The following OR1L8 variants were observed in gnomAD, a reference collection of about 807,000 sequenced individuals.
OR1L8 encodes olfactory receptor family 1 subfamily L member 8, also known as olfactory receptor 1L8.
For missense variants in OR1L8, 330 were observed against 377.4 expected (o/e 0.87, Z 1.04); for synonymous variants, 148 against 147.0 (o/e 1.01, Z -0.05).
intron 3 of OR1L8, among the ~76,000 whole-genome samples, chr9:122,574,740 T>C (rs998039998): frequency 3.9e-5 from 6 of 152,114 alleles, no homozygotes; most frequent in South Asian, 2.1e-4. Flanking sequence ...AAAGCCATGG[T>C]GAGAGGGAGC....
At chr9:122,579,881 A>T (rs1829716580) in intron 1 of OR1L8, among the ~76,000 whole-genome samples, 1 of 152,202 alleles carries the variant, frequency 6.6e-6, no homozygotes, top group Non-Finnish European at 1.5e-5. Flanking sequence ...AGGCTCTAGG[A>T]TGAGTCTCTA....
intron 1 of OR1L8, among the ~76,000 whole-genome samples, chr9:122,579,982 A>G (rs1435840834): frequency 6.6e-6 from 1 of 152,150 alleles, no homozygotes; most frequent in African/African-American, 2.4e-5. Flanking sequence ...GTCGCCATTG[A>G]AACTATTGAA....
the OR1L8 span, among the ~76,000 whole-genome samples, chr9:122,555,165 A>T: frequency 6.6e-6 from 1 of 152,238 alleles, no homozygotes; most frequent in Non-Finnish European, 1.5e-5. Flanking sequence ...CTCACAGAGA[A>T]AAAGAAGCAC....
chr9:122,574,964 TTTTC>T (rs1302364669), intron 3 of OR1L8, among the ~76,000 whole-genome samples: 4 of 152,152 alleles, frequency 2.6e-5, no homozygotes, highest in East Asian at 1.9e-4. Context: ...TTCATGTGGC[TTTTC>T]TTTATTAGTT....
At chr9:122,557,439 G>A in the OR1L8 span, among the ~76,000 whole-genome samples, 93 of 152,086 alleles carry the variant, frequency 6.1e-4, no homozygotes, top group Middle Eastern at 3.4e-3. Flanking sequence ...TTTTTGTGAA[G>A]TGCTTTTTCT....
At chr9:122,558,749 T>G in the OR1L8 span, among the ~76,000 whole-genome samples, 1 of 151,954 alleles carries the variant, frequency 6.6e-6, no homozygotes. Context: ...TTAAGATTCA[T>G]GTAATTATTA....
At chr9:122,575,576 G>A (rs973522246) in intron 3 of OR1L8, among the ~76,000 whole-genome samples, 1 of 151,974 alleles carries the variant, frequency 6.6e-6, no homozygotes, top group Non-Finnish European at 1.5e-5. Context: ...AATAATTTGT[G>A]TCCTCTGTCT....
chr9:122,580,577 G>A (rs1273521281), intron 1 of OR1L8, among the ~76,000 whole-genome samples: 2 of 152,112 alleles, frequency 1.3e-5, no homozygotes, highest in Non-Finnish European at 2.9e-5. Flanking sequence ...ACAATGCCAA[G>A]AAGACACAAG....
chr9:122,552,353 C>G, the OR1L8 span, among the ~76,000 whole-genome samples: 1 of 152,178 alleles, frequency 6.6e-6, no homozygotes, highest in African/African-American at 2.4e-5. Context: ...TTCACCTTCC[C>G]TCCCTCTGGT....
chr9:122,582,644 C>T (rs1211077306), intron 1 of OR1L8, among the ~76,000 whole-genome samples: 2 of 152,012 alleles, frequency 1.3e-5, no homozygotes, highest in Non-Finnish European at 2.9e-5. Flanking sequence ...CACTTGAGCC[C>T]AGGAGTTTGA....
downstream of OR1L8, among the ~76,000 whole-genome samples, chr9:122,566,289 A>C (rs957972408): frequency 6.6e-6 from 1 of 152,208 alleles, no homozygotes; most frequent in African/African-American, 2.4e-5. Context: ...TTGTTTATTA[A>C]TAGTTTTCTA....
At chr9:122,564,444 A>G (rs2118702363), downstream of OR1L8, among the ~76,000 whole-genome samples, 1 of 152,332 alleles carries the variant, frequency 6.6e-6, no homozygotes, top group Admixed American at 6.5e-5. Flanking sequence ...GGAAGCCATT[A>G]GAGCTGCCTC....
Position 122,571,788 on chromosome 9 carries a change from A to G in OR1L8, c.-213+992T>C, listed in dbSNP as rs544203214. On this transcript the variant is annotated intron_variant, in intron 4 of 4. Transcript: ENST00000641027. Reference sequence around the variant, plus strand: ...GTAGGGTTGTAGTGGTGCAGTGGACAGTGCCTTGGACTTGAGGCAGAAGAT... The same window carrying G: ...GTAGGGTTGTAGTGGTGCAGTGGACGGTGCCTTGGACTTGAGGCAGAAGAT... Among the ~76,000 whole-genome samples, 7 of 151,924 alleles carry G rather than the reference A, an allele frequency of 4.6e-5. No individual in the cohort carries two copies. The South Asian group carries it at 1.5e-3, about 32-fold the overall frequency.
intron 4 of OR1L8, among the ~76,000 whole-genome samples, chr9:122,570,592 G>T (rs1309411030): frequency 1.3e-5 from 2 of 152,164 alleles, no homozygotes; most frequent in Admixed American, 1.3e-4. Context: ...CTTAAAAGAG[G>T]GACAAGGATA....
intron 1 of OR1L8, among the ~76,000 whole-genome samples, chr9:122,582,717 TAAAA>T (rs1171459860): frequency 2.0e-5 from 3 of 152,018 alleles, no homozygotes; most frequent in African/African-American, 4.8e-5. Context: ...CCCTGTCTCT[TAAAA>T]AAAGTTATTT....
intron 4 of OR1L8, among the ~76,000 whole-genome samples, chr9:122,571,051 T>C (rs1281815918): frequency 6.6e-6 from 1 of 152,198 alleles, no homozygotes; most frequent in East Asian, 1.9e-4. Flanking sequence ...CAATCGTGCA[T>C]TGGTGCTATG....
the OR1L8 span, among the ~76,000 whole-genome samples, chr9:122,559,305 TA>T: frequency 1.1e-4 from 16 of 151,900 alleles, no homozygotes; most frequent in East Asian, 2.3e-3. Flanking sequence ...TATTTATTTT[TA>T]TTTTTTTTTA....
At chr9:122,579,906 C>T (rs576481676) in intron 1 of OR1L8, among the ~76,000 whole-genome samples, 10 of 152,138 alleles carry the variant, frequency 6.6e-5, no homozygotes, top group South Asian at 4.2e-4. Flanking sequence ...TAAACTTAAG[C>T]GCAATAATAA....
chr9:122,561,366 A>C, the OR1L8 span, among the ~76,000 whole-genome samples: 1 of 152,128 alleles, frequency 6.6e-6, no homozygotes, highest in Admixed American at 6.5e-5. Context: ...TCCTCCATCC[A>C]GTTCACGCCC....
Sources: gnomAD v4.1 joint callset for allele counts (sites outside exome capture counted in the v4.1 genomes callset) on GRCh38, gnomAD v4.1.1 for gene constraint, MANE v1.5 for transcripts, NCBI Gene and HGNC (gene_info 2026-07-23, HGNC 2026-07-21) for gene names.